The following MRPS18C variants were observed in gnomAD, a reference collection of about 807,000 sequenced individuals.
MRPS18C encodes mitochondrial ribosomal protein S18C.
In MRPS18C, 21 loss-of-function variants were observed where a neutral mutation model predicts 21.0. That is an observed-to-expected ratio of 1.00 (90% CI 0.71 to 1.44). The LOEUF (loss-of-function observed/expected upper bound fraction) is 1.44. MRPS18C is among the 40% of genes most tolerant of loss of function. The pLI is 0.00. For synonymous variants in MRPS18C, 65 were observed against 54.3 expected (o/e 1.20, Z -0.87); for missense variants, 152 against 171.5 (o/e 0.89, Z 0.64).
At chr4:83,459,705 CTTTT>C (rs534293909) in intron 3 of MRPS18C, 31 bp from the exon 4 acceptor site, 1 of 1,566,562 alleles carries the variant, frequency 6.4e-7, no homozygotes, top group South Asian at 1.2e-5. Context: ...ATAACAGATA[CTTTT>C]TTTTCCCCTC....
chr4:83,459,842 A>G (rs745755545), intron 4 of MRPS18C, 45 bp downstream of exon 4: 41 of 1,457,464 alleles, frequency 2.8e-5, no homozygotes, highest in African/African-American at 1.8e-4. Context: ...GATACGAATT[A>G]TATCAATCTA....
At position 83,461,544 on chromosome 4, in the gene MRPS18C, G is replaced by T. The variant is rs137940592; in HGVS notation, c.*347G>T. 5 of 322,548 alleles carry T rather than the reference G, an allele frequency of 1.6e-5. No individual in the cohort carries two copies. Among genetic ancestry groups the T allele is most frequent in the African/African-American group, 8.2e-5 (4 of 48,786 alleles). The allele number at this position is 322,548 out of a possible 1,614,324, so 20.0% of individuals were successfully genotyped here. On this transcript the variant is annotated 3_prime_UTR_variant, in exon 6 of 6. Transcript: ENST00000295491. ...CTGGTTAAGATATCTTCCCTTTGTA[G>T]AAATGTTACATTGGGATGGATAGTG...
intron 1 of MRPS18C, 47 bp downstream of exon 1, chr4:83,456,224 A>G: frequency 6.6e-7 from 1 of 1,510,568 alleles, no homozygotes; most frequent in Middle Eastern, 1.7e-4. Flanking sequence ...GCAGGCATTA[A>G]CCTTAGTCCT....
chr4:83,461,348 T>A lies in MRPS18C; in HGVS notation c.*151T>A. 2 of 632,144 alleles carry A rather than the reference T, an allele frequency of 3.2e-6. No homozygotes were observed. The highest frequency in any genetic ancestry group is 5.6e-6 in the Non-Finnish European group (2 of 356,500). The allele number at this position is 632,144 out of a possible 1,614,324, so 39.2% of individuals were successfully genotyped here. On this transcript the variant is annotated 3_prime_UTR_variant, in exon 6 of 6. Transcript: ENST00000295491. ...TTCATACCAATGTCCATTAAGCAGA[T>A]TGCTTATTTAAAATGTTAACACTCA... is the stretch of plus-strand genomic sequence containing the variant.
chr4:83,459,320 A>G (rs1721988168), intron 3 of MRPS18C, among the ~76,000 whole-genome samples: 1 of 152,218 alleles, frequency 6.6e-6, no homozygotes, highest in Non-Finnish European at 1.5e-5. Flanking sequence ...TAAATAAAAC[A>G]TAAATTATAG....
rs1364289342 is a variant in MRPS18C at position 83,461,203 on chromosome 4, A to G, written c.*6A>G. On this transcript the variant is annotated 3_prime_UTR_variant, in exon 6 of 6. Transcript: ENST00000295491. ...ACATCAGATATCGGGAATAAATTCT[A>G]TCACGTTACCACTAATAAACTTATT... 9 of 1,609,930 alleles carry G rather than the reference A, an allele frequency of 5.6e-6. No individual in the cohort carries two copies. The highest frequency in any genetic ancestry group is 7.6e-6 in the Non-Finnish European group (9 of 1,178,008).
chr4:83,456,626 C>T (rs1372208422), intron 1 of MRPS18C, among the ~76,000 whole-genome samples: 3 of 152,004 alleles, frequency 2.0e-5, no homozygotes, highest in Admixed American at 2.0e-4. Context: ...TAAGAATTTG[C>T]ATTAAGAATT....
At chr4:83,457,759 A>C (rs1721914758) in intron 2 of MRPS18C, 1 of 152,592 alleles carries the variant, frequency 6.6e-6, no homozygotes, top group Non-Finnish European at 1.5e-5. Flanking sequence ...CCATTTCTAG[A>C]TTAAGAACCT....
In MRPS18C at chr4:83,462,168, C is replaced by G; in HGVS notation, c.*971C>G. On this transcript the variant is annotated 3_prime_UTR_variant, in exon 6 of 6. Coordinates refer to ENST00000295491, the MANE Select transcript of MRPS18C (RefSeq NM_016067.4). ...TTGTCTTCCCTAAGTGCTGGGATTA[C>G]AGGTGTGAGCCACTGTGCCTGGTCT... The G allele has an allele frequency of 3.1e-6, 1 of 321,270 alleles. No homozygotes were observed. The highest frequency in any genetic ancestry group is 5.7e-6 in the Non-Finnish European group (1 of 175,308). 19.9% of individuals were successfully genotyped at this position (321,270 alleles called of 1,614,324 possible). A position where few individuals can be genotyped will look rare whatever the true frequency, so the allele number is the denominator to read the frequency against.
chr4:83,459,391 A>T (rs1163964711), intron 3 of MRPS18C: 1 of 179,298 alleles, frequency 5.6e-6, no homozygotes, highest in African/African-American at 2.4e-5. Context: ...ATTTATCTTA[A>T]TGATTATCAG....
At chr4:83,458,229 T>C (rs772040580) in intron 2 of MRPS18C, 117 bp from the exon 3 acceptor site, 8 of 704,666 alleles carry the variant, frequency 1.1e-5, no homozygotes, top group Non-Finnish European at 1.9e-5. Flanking sequence ...ATACAAAATA[T>C]GTACACAGTA....
At chr4:83,458,151 T>C (rs570992126) in intron 2 of MRPS18C, 195 bp from the exon 3 acceptor site, 77 of 474,590 alleles carry the variant, frequency 1.6e-4, no homozygotes, top group African/African-American at 1.4e-3. Context: ...TCTATGAAGA[T>C]TGTACTTTAT....
In MRPS18C at chr4:83,461,144, G is replaced by T; in HGVS notation, c.376G>T (p.Asp126Tyr). ...IMGFMPVTYK[D>Y]PAYLKDPKVC... ...AGGGTTTATGCCAGTTACATACAAG[G>T]ATCCTGCATATCTCAAGGACCCTAA... The change falls in exon 6 of 6, where the codon GAT (aspartate) becomes TAT (tyrosine). Residue 126 changes from aspartate to tyrosine, a missense_variant. Asp to Tyr is a radical substitution (Grantham distance 160). Coordinates refer to ENST00000295491, the MANE Select transcript of MRPS18C (RefSeq NM_016067.4). 4 of 1,613,444 alleles carry T rather than the reference G, an allele frequency of 2.5e-6. No homozygotes were observed. Among genetic ancestry groups the T allele is most frequent in the Non-Finnish European group, 3.4e-6 (4 of 1,179,826 alleles).
chr4:83,462,190 G>C lies in MRPS18C; in HGVS notation c.*993G>C, dbSNP rs1722143525. On this transcript the variant is annotated 3_prime_UTR_variant, in exon 6 of 6. Transcript: ENST00000295491. ...TTACAGGTGTGAGCCACTGTGCCTGGTCTCACTTTTCCAATTCTAAAGAAT... is the reference window on the plus strand; with the variant it reads ...TTACAGGTGTGAGCCACTGTGCCTGCTCTCACTTTTCCAATTCTAAAGAAT... 2.7e-6 allele frequency: 1 copy of C among 376,682 alleles called. No individual in the cohort carries two copies. 23.3% of individuals were successfully genotyped at this position (376,682 alleles called of 1,614,324 possible).
At chr4:83,458,287 A>G in intron 2 of MRPS18C, 59 bp from the exon 3 acceptor site, 1 of 1,184,128 alleles carries the variant, frequency 8.4e-7, no homozygotes, top group Non-Finnish European at 1.3e-6. Context: ...TAGAATAGTA[A>G]CCTTTTAAAA....
chr4:83,461,094 T>C, intron 5 of MRPS18C, 27 bp from the exon 6 acceptor site: 1 of 1,613,404 alleles, frequency 6.2e-7, no homozygotes, highest in Non-Finnish European at 8.5e-7. Context: ...TTATGTTTTG[T>C]CAAGAACTTT....
chr4:83,457,645 C>T (rs1008806537), intron 2 of MRPS18C: 5 of 152,284 alleles, frequency 3.3e-5, no homozygotes, highest in South Asian at 2.1e-4. Flanking sequence ...ATAAATCCCA[C>T]TTTGTCTCTA....
chr4:83,461,188 T>C lies in MRPS18C; in HGVS notation c.420T>C (p.Tyr140=), dbSNP rs747750517. Residue 140 remains tyrosine (Y), a synonymous_variant, in exon 6 of 6, where the codon TAT becomes TAC. Coordinates refer to ENST00000295491, the MANE Select transcript of MRPS18C (RefSeq NM_016067.4). ...LKDPKVCNIR[Y]RE ...ACCCTAAAGTTTGTAACATCAGATATCGGGAATAAATTCTATCACGTTACC... is the reference window on the plus strand; with the variant it reads ...ACCCTAAAGTTTGTAACATCAGATACCGGGAATAAATTCTATCACGTTACC... 7 of 1,611,878 alleles carry C rather than the reference T, an allele frequency of 4.3e-6. No individual in the cohort carries two copies. Among genetic ancestry groups the C allele is most frequent in the Non-Finnish European group, 5.9e-6 (7 of 1,179,344 alleles).
rs11099601 is a variant in MRPS18C at position 83,461,610 on chromosome 4, C to T, written c.*413C>T. The T allele has an allele frequency of 0.57, 163,826 of 288,500 alleles. 48,710 individuals are homozygous for T. Among genetic ancestry groups the T allele is most frequent in the African/African-American group, 0.78 (36,909 of 47,496 alleles). The allele number at this position is 288,500 out of a possible 1,614,324, so 17.9% of individuals were successfully genotyped here. A position where few individuals can be genotyped will look rare whatever the true frequency, so the allele number is the denominator to read the frequency against. On this transcript the variant is annotated 3_prime_UTR_variant, in exon 6 of 6. Transcript: ENST00000295491. The stretch of plus-strand genomic sequence containing the variant: ...GACAAAATATTCCTAGACGAGTCTA[C>T]CCTCAAACCAGTAGTGTCTTTTACA...
Sources: gnomAD v4.1 joint callset for allele counts (sites outside exome capture counted in the v4.1 genomes callset) on GRCh38, gnomAD v4.1.1 for gene constraint, MANE v1.5 for transcripts, NCBI Gene and HGNC (gene_info 2026-07-23, HGNC 2026-07-21) for gene names.